Variants in GTF2I observed in about 807,000 individuals in gnomAD.
GTF2I encodes general transcription factor IIi, also known as general transcription factor II-I.
GTF2I carries 12 observed loss-of-function variants against 67.6 expected under a neutral mutation model. The ratio of observed to expected loss-of-function variants is 0.18; its 90% CI spans 0.11 to 0.29. The LOEUF is 0.29. Ranked by LOEUF, GTF2I falls within the 10% of genes least tolerant of loss-of-function variation. The probability of loss-of-function intolerance (pLI) is 1.00; values close to 1 mark genes in which losing one functional copy is unlikely to be tolerated. For missense variants in GTF2I, 271 were observed against 580.1 expected, an observed-to-expected ratio of 0.47 and a Z score of 5.47; for synonymous variants, 149 against 197.0, an observed-to-expected ratio of 0.76 and a Z score of 2.04.
At chr7:74,664,540 T>A (rs1278737704) in intron 1 of GTF2I, among the ~76,000 whole-genome samples, 1 of 152,164 alleles carries the variant, frequency 6.6e-6, no homozygotes, top group Non-Finnish European at 1.5e-5. Context: ...TTCAAGCGAT[T>A]CTCCTGCCTC....
At chr7:74,696,637 C>T (rs587596288) in intron 3 of GTF2I, among the ~76,000 whole-genome samples, 13 of 152,144 alleles carry the variant, frequency 8.5e-5, no homozygotes, top group African/African-American at 2.2e-4. Flanking sequence ...GGACTACAGG[C>T]GCCCACCACC....
intron 26 of GTF2I, among the ~76,000 whole-genome samples, chr7:74,750,485 A>C (rs1795747185): frequency 9.9e-6 from 1 of 100,824 alleles, no homozygotes; most frequent in Non-Finnish European, 2.1e-5. Context: ...GTACATGCTA[A>C]TGCACATGAA....
intron 8 of GTF2I, 90 bp from the exon 9 acceptor site, chr7:74,710,942 T>C (rs781869610): frequency 3.2e-6 from 2 of 626,478 alleles, no homozygotes; most frequent in Non-Finnish European, 5.6e-6. Context: ...TATGCATTGC[T>C]GTATTTATAG....
At position 74,720,557 on chromosome 7, in the gene GTF2I, G is replaced by A. The variant is rs964166750; in HGVS notation, c.943+1616G>A. ...GCATTAAATGGTTGAAATTTAATTC[G>A]TTTTTAGTGAGAAACCTCATTAACA... On this transcript the variant is annotated intron_variant, in intron 12 of 34. Coordinates refer to ENST00000573035, the MANE Select transcript of GTF2I (RefSeq NM_032999.4). 2.0e-5 allele frequency among the ~76,000 whole-genome samples: 3 copies of A among 151,908 alleles called. No homozygotes were observed. The South Asian group carries it at 6.2e-4, about 32-fold the overall frequency.
At chr7:74,684,780 G>T (rs1353203861) in intron 1 of GTF2I, 1 of 152,230 alleles carries the variant, frequency 6.6e-6, no homozygotes, top group Non-Finnish European at 1.5e-5. Flanking sequence ...ATCACCAGGG[G>T]CGCCCCGTGG....
chr7:74,691,478 GAT>G (rs1788303705), intron 3 of GTF2I, among the ~76,000 whole-genome samples: 1 of 152,094 alleles, frequency 6.6e-6, no homozygotes, highest in African/African-American at 2.4e-5. Flanking sequence ...AGTGCAGAGG[GAT>G]TATAGGCGTG....
intron 1 of GTF2I, chr7:74,687,651 G>A (rs1007570637): frequency 6.1e-5 from 34 of 555,850 alleles, no homozygotes; most frequent in African/African-American, 5.9e-4. Context: ...TTTAATAATA[G>A]GGAAATAGAG....
intron 1 of GTF2I, among the ~76,000 whole-genome samples, chr7:74,674,548 A>G (rs1228971571): frequency 2.6e-5 from 4 of 151,630 alleles, no homozygotes. Context: ...TCTCTAATAT[A>G]CTTTTTTGAG....
chr7:74,718,108 G>A (rs587757810), intron 11 of GTF2I, among the ~76,000 whole-genome samples: 75 of 152,306 alleles, frequency 4.9e-4, no homozygotes, highest in Non-Finnish European at 8.5e-4. Context: ...CAGCCCCGCC[G>A]GCAGGTACTG....
rs1421100404 is a variant in GTF2I, at chr7:74,698,935, T to A, written c.239-26T>A. 29 of 1,160,774 alleles carry A rather than the reference T, an allele frequency of 2.5e-5. 1 individual carries two copies. The highest frequency in any genetic ancestry group is 5.8e-4 in the Middle Eastern group (2 of 3,452). 71.9% of individuals were successfully genotyped at this position (1,160,774 alleles called of 1,614,324 possible). A position where few individuals can be genotyped will look rare whatever the true frequency, so the allele number is the denominator to read the frequency against. On this transcript the variant is annotated intron_variant, in intron 3 of 34. Transcript: ENST00000573035. The stretch of plus-strand genomic sequence containing the variant: ...GATATGGACCTTATTATTATTTTTT[T>A]ATTTTATTTTTTATTTTTTTTACAG...
chr7:74,697,345 C>T (rs1789024726), intron 3 of GTF2I, among the ~76,000 whole-genome samples: 2 of 151,894 alleles, frequency 1.3e-5, no homozygotes, highest in East Asian at 1.9e-4. Context: ...CAGTGAGCCA[C>T]GATCGTGCCA....
At chr7:74,728,093 A>C (rs1297183294) in intron 12 of GTF2I, 2 of 152,490 alleles carry the variant, frequency 1.3e-5, no homozygotes, top group Non-Finnish European at 2.9e-5. Context: ...TGAGGCCAGG[A>C]GTTTGAGACC....
chr7:74,664,417 C>T (rs1436602171), intron 1 of GTF2I, among the ~76,000 whole-genome samples: 1 of 152,092 alleles, frequency 6.6e-6, no homozygotes, highest in Non-Finnish European at 1.5e-5. Flanking sequence ...ACTCATTCTC[C>T]TTTGGTTGTA....
At chr7:74,681,719 C>G (rs1275317896) in intron 1 of GTF2I, among the ~76,000 whole-genome samples, 1 of 152,160 alleles carries the variant, frequency 6.6e-6, no homozygotes, top group Non-Finnish European at 1.5e-5. Context: ...CGAGACCAGC[C>G]TGGCCAACAT....
chr7:74,721,405 A>C (rs141086081), intron 12 of GTF2I, among the ~76,000 whole-genome samples: 213 of 152,314 alleles, frequency 1.4e-3, no homozygotes, highest in African/African-American at 5.0e-3. Flanking sequence ...TTTGTGATTA[A>C]GTAGTAGAAT....
Position 74,700,203 on chromosome 7 carries a change from A to G in GTF2I, c.374-44A>G, listed in dbSNP as rs782265954. On this transcript the variant is annotated intron_variant, in intron 4 of 34. Transcript: ENST00000573035. Reference sequence around the variant, plus strand: ...AAGCTAGCGATGATTTCATTTTGTAATCTTACCATTGAATGATGTTCATCC... The same window carrying G: ...AAGCTAGCGATGATTTCATTTTGTAGTCTTACCATTGAATGATGTTCATCC... 6.3e-6 allele frequency: 10 copies of G among 1,590,290 alleles called. No homozygotes were observed. The South Asian group carries it at 1.1e-4, about 18-fold the overall frequency.
Position 74,699,065 on chromosome 7 carries a change from A to G in GTF2I, c.343A>G (p.Thr115Ala). ...DAVEIETLRK[T>A]VEDYFCFCYG... is the part of the protein sequence containing the mutation. ...TGTAGAAATTGAAACACTCAGAAAA[A>G]CAGTTGAGGACTATTTCTGCTTTTG... The change falls in exon 4 of 35, where the codon ACA becomes GCA. Residue 115 changes from threonine to alanine, a missense_variant. Around this residue, in one of 9 missense-constraint regions of GTF2I, gnomAD observed 72 missense variants for 87.4 expected, o/e 0.82. Coordinates refer to ENST00000573035, the MANE Select transcript of GTF2I (RefSeq NM_032999.4). 2 of 1,527,550 alleles carry G rather than the reference A, an allele frequency of 1.3e-6. No individual in the cohort carries two copies. Among genetic ancestry groups the G allele is most frequent in the Non-Finnish European group, 1.8e-6 (2 of 1,132,902 alleles). The allele number at this position is 1,527,550 out of a possible 1,614,324, so 94.6% of individuals were successfully genotyped here.
intron 26 of GTF2I, among the ~76,000 whole-genome samples, chr7:74,749,987 G>A (rs880002755): frequency 7.3e-6 from 1 of 136,772 alleles, no homozygotes; most frequent in Admixed American, 7.6e-5. Flanking sequence ...AACGACTTTT[G>A]GTTGCTAAAT....
At chr7:74,701,568 TC>T (rs1789763915) in intron 6 of GTF2I, among the ~76,000 whole-genome samples, 1 of 152,256 alleles carries the variant, frequency 6.6e-6, no homozygotes, top group Non-Finnish European at 1.5e-5. Flanking sequence ...CTTCCCAGGT[TC>T]AAGTGATTCT....
Sources: gnomAD v4.1 joint callset for allele counts (sites outside exome capture counted in the v4.1 genomes callset) on GRCh38, gnomAD v4.1.1 for gene constraint, gnomAD v4.1.1 regional missense constraint, MANE v1.5 for transcripts, NCBI Gene and HGNC (gene_info 2026-07-23, HGNC 2026-07-21) for gene names.